The following KCNH5 variants were observed in gnomAD, a reference collection of about 807,000 sequenced individuals.
The protein encoded by KCNH5 is potassium voltage-gated channel subfamily H member 5.
KCNH5 carries 46 observed loss-of-function variants against 96.1 expected under a neutral mutation model. The ratio of observed to expected loss-of-function variants is 0.48; its 90% CI spans 0.38 to 0.61. The LOEUF is 0.61. Among genes scored for constraint, KCNH5 ranks in the 20% least tolerant of loss-of-function variants. The pLI is 0.00. For synonymous variants in KCNH5, 439 were observed against 449.8 expected, an observed-to-expected ratio of 0.98 and a Z score of 0.30; for missense variants, 907 against 1,225.8, an observed-to-expected ratio of 0.74 and a Z score of 3.88.
At chr14:62,922,788 T>C (rs1388292434) in intron 7 of KCNH5, among the ~76,000 whole-genome samples, 4 of 151,930 alleles carry the variant, frequency 2.6e-5, no homozygotes. Flanking sequence ...ATAGGAAGAA[T>C]ATACCTCAAC....
intron 1 of KCNH5, among the ~76,000 whole-genome samples, chr14:63,030,245 G>A (rs6573475): frequency 0.29 from 43,316 of 151,976 alleles, 7,379 homozygotes; most frequent in East Asian, 0.57. Context: ...AAAGGGATCA[G>A]ACACACAATA....
intron 3 of KCNH5, among the ~76,000 whole-genome samples, chr14:63,004,357 A>C (rs747441896): frequency 6.6e-6 from 1 of 152,212 alleles, no homozygotes; most frequent in Non-Finnish European, 1.5e-5. Context: ...AGTGCACAGA[A>C]AGGAGGCACA....
chr14:62,798,166 A>G (rs776207363), intron 9 of KCNH5, among the ~76,000 whole-genome samples: 7 of 152,120 alleles, frequency 4.6e-5, no homozygotes, highest in Non-Finnish European at 8.8e-5. Flanking sequence ...CAACCCCTCC[A>G]TCCAAACCAT....
At chr14:62,966,382 A>C (rs1594650028) in intron 6 of KCNH5, among the ~76,000 whole-genome samples, 1 of 152,092 alleles carries the variant, frequency 6.6e-6, no homozygotes, top group South Asian at 2.1e-4. Flanking sequence ...TTTGTGTAGC[A>C]GTCCAAAGAG....
intron 7 of KCNH5, among the ~76,000 whole-genome samples, chr14:62,856,432 T>C (rs770599660): frequency 3.3e-5 from 5 of 152,252 alleles, no homozygotes; most frequent in Non-Finnish European, 5.9e-5. Context: ...GATATGATAA[T>C]GCATTGGCAG....
At chr14:62,766,272 T>G (rs1885858416) in intron 10 of KCNH5, among the ~76,000 whole-genome samples, 1 of 152,114 alleles carries the variant, frequency 6.6e-6, no homozygotes, top group South Asian at 2.1e-4. Context: ...ATTTGTAGGT[T>G]CCTCAAAAAA....
At position 63,024,213 on chromosome 14, in the gene KCNH5, A is replaced by AT. The variant is rs1555334234; in HGVS notation, c.74-7260_74-7259insA. Among the ~76,000 whole-genome samples the AT allele has an allele frequency of 4.3e-5, 6 of 139,878 alleles. 1 individual carries two copies. The highest frequency in any genetic ancestry group is 9.5e-5 in the Non-Finnish European group (6 of 63,012). 91.8% of individuals were successfully genotyped at this position (139,878 alleles called of 152,430 possible). A position where few individuals can be genotyped will look rare whatever the true frequency, so the allele number is the denominator to read the frequency against. On this transcript the variant is annotated intron_variant, in intron 1 of 10. Transcript: ENST00000322893. The stretch of plus-strand genomic sequence containing the variant: ...AATAGAGTGAGACTCCATCTCAAAA[A>AT]ATATATATATATATATCTTGAGACA...
At chr14:62,825,351 T>C (rs111544333) in intron 8 of KCNH5, among the ~76,000 whole-genome samples, 2,425 of 152,244 alleles carry the variant, frequency 0.016, 36 homozygotes, top group Middle Eastern at 0.065. Context: ...TGGTATATCA[T>C]TGTGGTTTTG....
At chr14:62,959,426 C>CA (rs2140137143) in intron 6 of KCNH5, among the ~76,000 whole-genome samples, 1 of 152,208 alleles carries the variant, frequency 6.6e-6, no homozygotes, top group Non-Finnish European at 1.5e-5. Context: ...TCAAAATCAG[C>CA]AAATATCCAG....
At chr14:62,798,438 T>G (rs1360601229) in intron 9 of KCNH5, among the ~76,000 whole-genome samples, 1 of 152,016 alleles carries the variant, frequency 6.6e-6, no homozygotes, top group Non-Finnish European at 1.5e-5. Context: ...TACCAACAAA[T>G]CTGTTCACAT....
rs946830662 is a variant in KCNH5 at position 62,891,459 on chromosome 14, G to A, written c.1370-41607C>T. On this transcript the variant is annotated intron_variant, in intron 7 of 10. Coordinates refer to ENST00000322893, the MANE Select transcript of KCNH5 (RefSeq NM_139318.5). Reference sequence around the variant, plus strand: ...CATAAAAGATAACTATTGGTACTGGGCTTCATTCCTGGGTGATAAAATAAT... The same window carrying A: ...CATAAAAGATAACTATTGGTACTGGACTTCATTCCTGGGTGATAAAATAAT... Among the ~76,000 whole-genome samples, 5 of 152,012 alleles carry A rather than the reference G, an allele frequency of 3.3e-5. No individual in the cohort carries two copies. In the South Asian group the frequency reaches 8.3e-4, roughly 25 times the overall value.
rs3080873 is a variant in KCNH5, at chr14:62,936,674, CAAAAAAAA to C, written c.1369+13451_1369+13458del. 3.7e-4 allele frequency among the ~76,000 whole-genome samples: 44 copies of C among 119,738 alleles called. 1 individual carries two copies. The highest frequency in any genetic ancestry group is 5.1e-4 in the African/African-American group (17 of 33,074). The allele number at this position is 119,738 out of a possible 152,430, so 78.6% of individuals were successfully genotyped here. A position where few individuals can be genotyped will look rare whatever the true frequency, so the allele number is the denominator to read the frequency against. On this transcript the variant is annotated intron_variant, in intron 7 of 10. Transcript: ENST00000322893. ...TTGGTGATAGAGCGAGACCCTGCCT[CAAAAAAAA>C]AAAAAAAAAAAAAGGCCAGGCACGG... is the stretch of plus-strand genomic sequence containing the variant.
chr14:62,878,806 C>T (rs2140074026), intron 7 of KCNH5, among the ~76,000 whole-genome samples: 1 of 152,184 alleles, frequency 6.6e-6, no homozygotes, highest in South Asian at 2.1e-4. Flanking sequence ...GGCCTCTGTC[C>T]TTGCCTATAG....
intron 7 of KCNH5, among the ~76,000 whole-genome samples, chr14:62,937,973 C>T (rs976187189): frequency 3.9e-5 from 6 of 152,092 alleles, no homozygotes; most frequent in Non-Finnish European, 5.9e-5. Flanking sequence ...AACTCAACAG[C>T]CCAGTCTAAG....
intron 7 of KCNH5, among the ~76,000 whole-genome samples, chr14:62,946,125 G>A (rs945463458): frequency 6.6e-6 from 1 of 152,022 alleles, no homozygotes; most frequent in Non-Finnish European, 1.5e-5. Context: ...TGGTGACTTG[G>A]TCTTGGGTGG....
intron 7 of KCNH5, among the ~76,000 whole-genome samples, chr14:62,873,023 G>A (rs1422021164): frequency 6.6e-6 from 1 of 151,858 alleles, no homozygotes; most frequent in Admixed American, 6.6e-5. Flanking sequence ...GGTGGCGGGC[G>A]CCTGTAGTCC....
At position 62,699,922 on chromosome 14, in the gene KCNH5, C is replaced by T. The variant is rs1256579046; in HGVS notation, c.*7586G>A. The T allele has an allele frequency of 6.6e-6, 1 of 152,178 alleles. No homozygotes were observed. The highest frequency in any genetic ancestry group is 6.5e-5 in the Admixed American group (1 of 15,278). 9.4% of individuals were successfully genotyped at this position (152,178 alleles called of 1,614,324 possible). ...GCATAATGGTATTAAAAACATCCCA[C>T]ATGAAATTTTTGCATTGTTTCCTTT... On this transcript the variant is annotated 3_prime_UTR_variant, in exon 11 of 11. Transcript: ENST00000322893.
intron 8 of KCNH5, among the ~76,000 whole-genome samples, chr14:62,833,393 GCTATC>G (rs1352098460): frequency 2.6e-5 from 4 of 151,816 alleles, no homozygotes; most frequent in Non-Finnish European, 5.9e-5. Context: ...TATTTAAGAG[GCTATC>G]CTTTCCCCAC....
At chr14:62,909,583 C>A (rs2140099547) in intron 7 of KCNH5, among the ~76,000 whole-genome samples, 1 of 152,314 alleles carries the variant, frequency 6.6e-6, no homozygotes, top group African/African-American at 2.4e-5. Context: ...ATCCAGTTAC[C>A]TCTATTTCAA....
Sources: gnomAD v4.1 joint callset for allele counts (sites outside exome capture counted in the v4.1 genomes callset) on GRCh38, gnomAD v4.1.1 for gene constraint, MANE v1.5 for transcripts, NCBI Gene and HGNC (gene_info 2026-07-23, HGNC 2026-07-21) for gene names.